Variants in OPCML observed in about 807,000 individuals in gnomAD.
OPCML encodes opioid-binding protein/cell adhesion molecule.
A neutral mutation model predicts 37.8 loss-of-function variants in OPCML; 13 were observed. That is an observed-to-expected ratio of 0.34 (90% CI 0.22 to 0.55). OPCML has a LOEUF of 0.55. OPCML is among the 20% of genes least tolerant of loss of function. The probability of loss-of-function intolerance (pLI) is 0.91; values close to 1 mark genes in which losing one functional copy is unlikely to be tolerated. For missense variants in OPCML, 341 were observed against 435.6 expected, an observed-to-expected ratio of 0.78 and a Z score of 1.93; for synonymous variants, 176 against 168.8, an observed-to-expected ratio of 1.04 and a Z score of -0.33.
chr11:133,256,795 G>A (rs1185221145), intron 1 of OPCML, among the ~76,000 whole-genome samples: 1 of 152,156 alleles, frequency 6.6e-6, no homozygotes, highest in Non-Finnish European at 1.5e-5. Flanking sequence ...TTAAAAGTGT[G>A]CAGTTTGGGA....
At chr11:133,328,022 G>C (rs1943519115) in intron 1 of OPCML, among the ~76,000 whole-genome samples, 1 of 152,120 alleles carries the variant, frequency 6.6e-6, no homozygotes, top group South Asian at 2.1e-4. Flanking sequence ...TAACTCCTAT[G>C]CTTACTAAAA....
intron 2 of OPCML, among the ~76,000 whole-genome samples, chr11:132,833,783 G>T (rs1382038072): frequency 6.6e-6 from 1 of 152,148 alleles, no homozygotes; most frequent in African/African-American, 2.4e-5. Context: ...GACCACCATT[G>T]TATATATGCA....
chr11:132,678,266 G>T (rs942532520), intron 2 of OPCML, among the ~76,000 whole-genome samples: 2 of 152,206 alleles, frequency 1.3e-5, no homozygotes, highest in Non-Finnish European at 2.9e-5. Flanking sequence ...AGGATGTGGA[G>T]CAACAGGAAC....
chr11:133,502,380 G>A (rs374525537), intron 1 of OPCML, among the ~76,000 whole-genome samples: 3 of 152,328 alleles, frequency 2.0e-5, no homozygotes, highest in Admixed American at 6.5e-5. Flanking sequence ...CGCAGTCCAT[G>A]CTGTTCTCGT....
At chr11:132,595,917 A>G (rs1033080722) in intron 3 of OPCML, among the ~76,000 whole-genome samples, 9 of 152,226 alleles carry the variant, frequency 5.9e-5, no homozygotes, top group Admixed American at 6.5e-5. Context: ...CTGTAAATCA[A>G]ACTAGCTTTT....
At chr11:133,078,752 C>A (rs1414098798) in intron 1 of OPCML, among the ~76,000 whole-genome samples, 1 of 152,136 alleles carries the variant, frequency 6.6e-6, no homozygotes, top group East Asian at 1.9e-4. Flanking sequence ...TCCGATCAGG[C>A]ACAAGAGGGC....
At chr11:132,838,497 C>T (rs1484165409) in intron 2 of OPCML, among the ~76,000 whole-genome samples, 1 of 152,076 alleles carries the variant, frequency 6.6e-6, no homozygotes, top group African/African-American at 2.4e-5. Context: ...ACAGAAGAAC[C>T]GCCTGTCCAA....
intron 1 of OPCML, among the ~76,000 whole-genome samples, chr11:133,050,502 TG>T (rs1948109745): frequency 6.6e-6 from 1 of 151,830 alleles, no homozygotes; most frequent in Non-Finnish European, 1.5e-5. Context: ...GCTGGGGGAG[TG>T]GTCTGATGAA....
At chr11:133,002,979 A>G (rs1476129392) in intron 1 of OPCML, among the ~76,000 whole-genome samples, 1 of 152,204 alleles carries the variant, frequency 6.6e-6, no homozygotes, top group African/African-American at 2.4e-5. Context: ...ATGCAAGTTA[A>G]AAGTCACAGT....
intron 1 of OPCML, among the ~76,000 whole-genome samples, chr11:133,372,815 G>C (rs977599028): frequency 6.6e-6 from 1 of 152,138 alleles, no homozygotes; most frequent in Non-Finnish European, 1.5e-5. Flanking sequence ...TAGCAATCCA[G>C]CAAATATTGC....
intron 1 of OPCML, among the ~76,000 whole-genome samples, chr11:133,356,351 C>G (rs1195862267): frequency 6.6e-6 from 1 of 152,188 alleles, no homozygotes; most frequent in Non-Finnish European, 1.5e-5. Flanking sequence ...CTGAATCTAA[C>G]AAATAGTTTT....
chr11:132,563,298 G>A (rs1308269387), intron 3 of OPCML, among the ~76,000 whole-genome samples: 1 of 152,090 alleles, frequency 6.6e-6, no homozygotes, highest in African/African-American at 2.4e-5. Context: ...GGACAAGACA[G>A]TGCTGTGATA....
chr11:133,204,886 A>ATGTGTATATATATATATATATGTG (rs1230785550), intron 1 of OPCML, among the ~76,000 whole-genome samples: 1 of 42,602 alleles, frequency 2.3e-5, no homozygotes, highest in Admixed American at 2.1e-4. Flanking sequence ...ATATATATAT[A>ATGTGTATATATATATATATATGTG]TATATATATA....
At chr11:133,021,938 T>G (rs565853476) in intron 1 of OPCML, among the ~76,000 whole-genome samples, 64 of 152,196 alleles carry the variant, frequency 4.2e-4, no homozygotes, top group Non-Finnish European at 8.1e-4. Flanking sequence ...TCTAAGCACA[T>G]GCAGTGATCT....
chr11:132,729,144 T>C (rs1198742888), intron 2 of OPCML, among the ~76,000 whole-genome samples: 1 of 152,176 alleles, frequency 6.6e-6, no homozygotes. Flanking sequence ...TCAGGGAAGA[T>C]GAGAGTAAAA....
chr11:132,760,549 G>A (rs528410675), intron 2 of OPCML, among the ~76,000 whole-genome samples: 30 of 147,446 alleles, frequency 2.0e-4, no homozygotes, highest in Non-Finnish European at 1.3e-4. Context: ...TTACCATTAT[G>A]TAATGCCCTT....
chr11:132,643,338 G>A (rs1233882438), intron 3 of OPCML, among the ~76,000 whole-genome samples: 1 of 152,164 alleles, frequency 6.6e-6, no homozygotes, highest in East Asian at 1.9e-4. Context: ...CAGAGCGGTC[G>A]GAGAGCAGAG....
At chr11:132,635,152 T>C (rs1007492831) in intron 3 of OPCML, among the ~76,000 whole-genome samples, 6 of 152,188 alleles carry the variant, frequency 3.9e-5, no homozygotes, top group African/African-American at 1.2e-4. Flanking sequence ...TGATGGCCAA[T>C]TATTTAGAGG....
intron 2 of OPCML, among the ~76,000 whole-genome samples, chr11:132,797,324 A>G (rs535154804): frequency 3.7e-4 from 56 of 152,356 alleles, no homozygotes; most frequent in South Asian, 1.0e-3. Flanking sequence ...TTGCATGTGC[A>G]TATCCATTTG....
Sources: allele counts gnomAD v4.1 joint callset (sites outside exome capture counted in the v4.1 genomes callset), GRCh38; gene constraint gnomAD v4.1.1; transcripts MANE v1.5; gene names NCBI Gene and HGNC (gene_info 2026-07-23, HGNC 2026-07-21).